Variants in NTNG1 observed in about 807,000 individuals in gnomAD.
NTNG1 encodes netrin-G1.
In NTNG1, 16 loss-of-function variants were observed where a neutral mutation model predicts 54.0. That is an observed-to-expected ratio of 0.30 (90% CI 0.20 to 0.45). NTNG1 has a LOEUF of 0.45. Among genes scored for constraint, NTNG1 ranks in the 20% least tolerant of loss-of-function variants. NTNG1 has a pLI of 1.00. For synonymous variants in NTNG1, 255 were observed against 263.1 expected, an observed-to-expected ratio of 0.97 and a Z score of 0.30; for missense variants, 530 against 678.7, an observed-to-expected ratio of 0.78 and a Z score of 2.43.
At chr1:107,407,981 C>T (rs1454266705) in intron 5 of NTNG1, 1 of 649,446 alleles carries the variant, frequency 1.5e-6, no homozygotes, top group African/African-American at 1.8e-5. Flanking sequence ...GGTGCAATTC[C>T]TTAGATAATC....
intron 2 of NTNG1, among the ~76,000 whole-genome samples, chr1:107,195,740 C>G (rs1052122142): frequency 6.6e-6 from 1 of 152,006 alleles, no homozygotes; most frequent in East Asian, 1.9e-4. Context: ...GGCCCTTGCA[C>G]TTGCTGATTC....
In NTNG1 at chr1:107,369,153, T is replaced by C. The variant is rs569897501; in HGVS notation, c.888-26001T>C. 9.2e-5 allele frequency among the ~76,000 whole-genome samples: 14 copies of C among 152,332 alleles called. 1 individual carries two copies. In the East Asian group the frequency reaches 1.9e-3, roughly 21 times the overall value. ...ATTCCATTATTTATCTATTCACCTA[T>C]TGATGGACACTTGGGTTGTGACCAG... On this transcript the variant is annotated intron_variant, in intron 3 of 7. Transcript: ENST00000370068.
At chr1:107,196,781 A>G (rs991917612) in intron 2 of NTNG1, among the ~76,000 whole-genome samples, 2 of 152,014 alleles carry the variant, frequency 1.3e-5, no homozygotes, top group African/African-American at 4.8e-5. Context: ...TGCATTTTAA[A>G]TTTTAGATAA....
intron 2 of NTNG1, among the ~76,000 whole-genome samples, chr1:107,173,542 A>G (rs1468329083): frequency 6.6e-6 from 1 of 152,160 alleles, no homozygotes; most frequent in African/African-American, 2.4e-5. Context: ...GAATCCTTCA[A>G]TAATGCTCAG....
intron 5 of NTNG1, among the ~76,000 whole-genome samples, chr1:107,425,533 A>T (rs1674849209): frequency 6.6e-6 from 1 of 152,150 alleles, no homozygotes; most frequent in South Asian, 2.1e-4. Flanking sequence ...TTATGTCTGC[A>T]TAGTATTTCA....
At chr1:107,288,907 T>C (rs1434483293) in intron 2 of NTNG1, among the ~76,000 whole-genome samples, 2 of 152,182 alleles carry the variant, frequency 1.3e-5, no homozygotes, top group African/African-American at 4.8e-5. Flanking sequence ...CTCAGTTTCA[T>C]AGATAAAGGT....
At chr1:107,400,179 C>T (rs1231450029) in intron 4 of NTNG1, among the ~76,000 whole-genome samples, 3 of 152,196 alleles carry the variant, frequency 2.0e-5, no homozygotes, top group East Asian at 3.9e-4. Flanking sequence ...AAGCATTTTT[C>T]TCTTCACTCT....
chr1:107,148,617 G>A lies in NTNG1; in HGVS notation c.24G>A (p.Ser8=), dbSNP rs557686809. 1.4e-5 allele frequency: 23 copies of A among 1,613,236 alleles called. No individual in the cohort carries two copies. In the South Asian group the frequency reaches 1.9e-4, roughly 13 times the overall value. MYLSRFL[S]IHALWVTVSS... The stretch of plus-strand genomic sequence containing the variant: ...AGATGTATTTGTCAAGATTCCTGTC[G>A]ATTCATGCCCTTTGGGTTACGGTGT... The change falls in exon 2 of 8, where the codon TCG becomes TCA. Residue 8 remains serine (S), a synonymous_variant. Transcript: ENST00000370068.
chr1:107,288,035 AGAGT>A (rs2101751768), intron 2 of NTNG1, among the ~76,000 whole-genome samples: 1 of 152,286 alleles, frequency 6.6e-6, no homozygotes, highest in African/African-American at 2.4e-5. Context: ...CATGAAGGAC[AGAGT>A]GAGTGAAGCC....
chr1:107,450,644 G>C (rs79005120), intron 7 of NTNG1, among the ~76,000 whole-genome samples: 1 of 151,992 alleles, frequency 6.6e-6, no homozygotes, highest in African/African-American at 2.4e-5. Flanking sequence ...TTCTGTGGTC[G>C]TTTCAAATAC....
intron 2 of NTNG1, among the ~76,000 whole-genome samples, chr1:107,217,093 T>C (rs1660020030): frequency 6.6e-6 from 1 of 152,042 alleles, no homozygotes; most frequent in Non-Finnish European, 1.5e-5. Context: ...TTTTTGTTGG[T>C]AACTTTTTAA....
chr1:107,183,074 C>A (rs1657189218), intron 2 of NTNG1, among the ~76,000 whole-genome samples: 2 of 152,222 alleles, frequency 1.3e-5, no homozygotes, highest in South Asian at 4.1e-4. Context: ...GAAGACTGAA[C>A]CGATTCTTTT....
chr1:107,227,457 A>G (rs568577657), intron 2 of NTNG1, among the ~76,000 whole-genome samples: 2 of 152,128 alleles, frequency 1.3e-5, no homozygotes, highest in East Asian at 1.9e-4. Context: ...TGTGGCACTA[A>G]CCTTCATTAC....
At chr1:107,205,974 T>C (rs1317901398) in intron 2 of NTNG1, among the ~76,000 whole-genome samples, 1 of 152,222 alleles carries the variant, frequency 6.6e-6, no homozygotes, top group East Asian at 1.9e-4. Context: ...TGCATTATTG[T>C]ATATAGTTCA....
intron 1 of NTNG1, among the ~76,000 whole-genome samples, chr1:107,144,367 C>G (rs1653954699): frequency 6.6e-6 from 1 of 151,906 alleles, no homozygotes; most frequent in Admixed American, 6.6e-5. Context: ...TTCAGGTACC[C>G]CTGAAAAGCT....
chr1:107,351,878 A>G (rs944893654), intron 3 of NTNG1, among the ~76,000 whole-genome samples: 1 of 152,250 alleles, frequency 6.6e-6, no homozygotes, highest in African/African-American at 2.4e-5. Context: ...GCATTGGGTA[A>G]ACATTCTCCT....
chr1:107,462,957 T>C (rs999626073), intron 7 of NTNG1, among the ~76,000 whole-genome samples: 2 of 152,220 alleles, frequency 1.3e-5, no homozygotes, highest in Non-Finnish European at 2.9e-5. Flanking sequence ...TCTAGATCTG[T>C]GTGACTCCAC....
At chr1:107,157,789 C>T (rs1361169446) in intron 2 of NTNG1, among the ~76,000 whole-genome samples, 2 of 152,034 alleles carry the variant, frequency 1.3e-5, no homozygotes, top group African/African-American at 4.8e-5. Flanking sequence ...TAACTTTTTA[C>T]TAAAGCCAAA....
At chr1:107,373,001 T>G (rs1207908166) in intron 3 of NTNG1, among the ~76,000 whole-genome samples, 3 of 152,156 alleles carry the variant, frequency 2.0e-5, no homozygotes. Flanking sequence ...CTGCACCCTT[T>G]TCGTGGGCAG....
Sources: gnomAD v4.1 joint callset for allele counts (sites outside exome capture counted in the v4.1 genomes callset) on GRCh38, gnomAD v4.1.1 for gene constraint, MANE v1.5 for transcripts, NCBI Gene and HGNC (gene_info 2026-07-23, HGNC 2026-07-21) for gene names.